The following GATB variants were observed in gnomAD, a reference collection of about 807,000 sequenced individuals.
The protein encoded by GATB is glutamyl-tRNA(Gln) amidotransferase subunit B, mitochondrial.
A neutral mutation model predicts 62.3 loss-of-function variants in GATB; 39 were observed. The ratio of observed to expected loss-of-function variants is 0.63; its 90% CI spans 0.48 to 0.82. GATB has a LOEUF of 0.82. Ranked by LOEUF, GATB falls within the 40% of genes least tolerant of loss-of-function variation. The pLI is 0.00. For synonymous variants in GATB, 276 were observed against 258.9 expected, an observed-to-expected ratio of 1.07 and a Z score of -0.63; for missense variants, 670 against 684.0, an observed-to-expected ratio of 0.98 and a Z score of 0.23.
intron 2 of GATB, chr4:151,721,089 T>A (rs1430408663): frequency 3.3e-5 from 5 of 151,842 alleles, no homozygotes; most frequent in Non-Finnish European, 7.4e-5. Context: ...ATACAAAAAA[T>A]TAGCTAGGTG....
chr4:151,672,147 G>T (rs1445285858), intron 12 of GATB, among the ~76,000 whole-genome samples: 1 of 152,054 alleles, frequency 6.6e-6, no homozygotes, highest in Non-Finnish European at 1.5e-5. Flanking sequence ...TTTCCCCACT[G>T]AAAAAATATC....
rs945288920 is a variant in GATB at position 151,711,238 on chromosome 4, C to T, written c.764-3137G>A. Among the ~76,000 whole-genome samples, 15 of 152,316 alleles carry T rather than the reference C, an allele frequency of 9.8e-5. No individual in the cohort carries two copies. The East Asian group carries it at 1.7e-3, about 18-fold the overall frequency. ...TCTCCTGGCTTCTACTCTTACCCAT[C>T]GGAAATCCACTTCCCACAGAGCAGC... is the stretch of plus-strand genomic sequence containing the variant. On this transcript the variant is annotated intron_variant, in intron 5 of 12. Transcript: ENST00000263985.
intron 1 of GATB, among the ~76,000 whole-genome samples, chr4:151,759,791 C>T: frequency 6.7e-6 from 1 of 150,162 alleles, no homozygotes; most frequent in East Asian, 1.9e-4. Context: ...TGTGTATATA[C>T]ATATATATAT....
At chr4:151,697,217 T>C (rs1220408474) in intron 9 of GATB, among the ~76,000 whole-genome samples, 2 of 152,212 alleles carry the variant, frequency 1.3e-5, no homozygotes, top group Non-Finnish European at 2.9e-5. Context: ...ATAGTAAAGA[T>C]ATGGAATCAG....
At chr4:151,731,813 G>T in intron 2 of GATB, among the ~76,000 whole-genome samples, 1 of 150,912 alleles carries the variant, frequency 6.6e-6, no homozygotes, top group Non-Finnish European at 1.5e-5. Context: ...CGCCCCGTCT[G>T]AGAAGTGAGG....
intron 9 of GATB, among the ~76,000 whole-genome samples, chr4:151,695,379 G>A (rs1707831631): frequency 6.6e-6 from 1 of 152,096 alleles, no homozygotes; most frequent in Non-Finnish European, 1.5e-5. Flanking sequence ...AAGTGTCAGA[G>A]GTCAGATGTG....
chr4:151,692,761 T>G (rs1203104510), intron 9 of GATB, among the ~76,000 whole-genome samples: 2 of 152,176 alleles, frequency 1.3e-5, no homozygotes, highest in Non-Finnish European at 2.9e-5. Flanking sequence ...CACTGCACAG[T>G]CCTGAACAAG....
At chr4:151,758,351 T>C (rs1159731798) in intron 2 of GATB, among the ~76,000 whole-genome samples, 1 of 152,244 alleles carries the variant, frequency 6.6e-6, no homozygotes, top group Non-Finnish European at 1.5e-5. Context: ...AACAGTCCTT[T>C]CTTTTACTGA....
At chr4:151,681,547 A>G (rs953604524) in intron 10 of GATB, among the ~76,000 whole-genome samples, 4 of 152,174 alleles carry the variant, frequency 2.6e-5, no homozygotes, top group African/African-American at 9.7e-5. Flanking sequence ...ACCATGGCCC[A>G]TTATCTTAGA....
intron 9 of GATB, among the ~76,000 whole-genome samples, chr4:151,698,620 T>C (rs1738536046): frequency 6.6e-6 from 1 of 152,228 alleles, no homozygotes; most frequent in South Asian, 2.1e-4. Context: ...TTTTCGGGTA[T>C]GTTATGAGTA....
At chr4:151,708,693 C>T (rs1470812857) in intron 5 of GATB, among the ~76,000 whole-genome samples, 1 of 152,226 alleles carries the variant, frequency 6.6e-6, no homozygotes, top group Non-Finnish European at 1.5e-5. Flanking sequence ...ACAAACATGA[C>T]TCCGAATCCT....
At chr4:151,756,025 G>A (rs1739822449) in intron 2 of GATB, among the ~76,000 whole-genome samples, 1 of 152,188 alleles carries the variant, frequency 6.6e-6, no homozygotes, top group African/African-American at 2.4e-5. Flanking sequence ...AGAATTGAGA[G>A]CCAAAGAATA....
intron 2 of GATB, among the ~76,000 whole-genome samples, chr4:151,731,791 T>C (rs1739258515): frequency 7.0e-6 from 1 of 142,216 alleles, no homozygotes; most frequent in Non-Finnish European, 1.5e-5. Context: ...GTGAGGAGCG[T>C]CTCTGCCCGG....
At chr4:151,732,943 T>C (rs1739298545) in intron 2 of GATB, among the ~76,000 whole-genome samples, 1 of 151,758 alleles carries the variant, frequency 6.6e-6, no homozygotes, top group Non-Finnish European at 1.5e-5. Flanking sequence ...ACACAACCTA[T>C]CAAAACCTCT....
chr4:151,698,608 C>T (rs1326001932), intron 9 of GATB, among the ~76,000 whole-genome samples: 7 of 152,144 alleles, frequency 4.6e-5, no homozygotes, highest in Non-Finnish European at 8.8e-5. Flanking sequence ...ACGAACATAT[C>T]ATTTTCGGGT....
intron 9 of GATB, among the ~76,000 whole-genome samples, chr4:151,690,554 G>C (rs2126962009): frequency 6.6e-6 from 1 of 152,374 alleles, no homozygotes; most frequent in East Asian, 1.9e-4. Flanking sequence ...AACCCAGACA[G>C]GCTGGCCCAC....
intron 9 of GATB, among the ~76,000 whole-genome samples, chr4:151,700,588 AGGTGT>A (rs1389846982): frequency 1.3e-5 from 2 of 152,222 alleles, no homozygotes; most frequent in African/African-American, 4.8e-5. Context: ...CCCAAAAGAT[AGGTGT>A]GGCATATACT....
intron 5 of GATB, among the ~76,000 whole-genome samples, 169 bp from the exon 6 acceptor site, chr4:151,708,270 T>C (rs1327293604): frequency 6.6e-6 from 1 of 152,232 alleles, no homozygotes; most frequent in Non-Finnish European, 1.5e-5. Flanking sequence ...TGGCTGGTAC[T>C]TCTGGCCACT....
At chr4:151,688,422 G>C (rs573495761) in intron 10 of GATB, among the ~76,000 whole-genome samples, 25 of 152,316 alleles carry the variant, frequency 1.6e-4, no homozygotes, top group Admixed American at 1.6e-3. Flanking sequence ...AGAGGACACA[G>C]TGCACAGTCA....
Sources: gnomAD v4.1 joint callset for allele counts (sites outside exome capture counted in the v4.1 genomes callset) on GRCh38, gnomAD v4.1.1 for gene constraint, MANE v1.5 for transcripts, NCBI Gene and HGNC (gene_info 2026-07-23, HGNC 2026-07-21) for gene names.